Variants in SPAG16 observed in about 807,000 individuals in gnomAD.
SPAG16 encodes the protein sperm-associated antigen 16 protein.
A neutral mutation model predicts 80.4 loss-of-function variants in SPAG16; 86 were observed. That is an observed-to-expected ratio of 1.07 (90% CI 0.90 to 1.28). The LOEUF is 1.28. Among genes scored for constraint, SPAG16 ranks in the 50% most tolerant of loss-of-function variants. SPAG16 has a pLI of 0.00. For synonymous variants in SPAG16, 294 were observed against 265.9 expected (o/e 1.11, Z -1.03); for missense variants, 870 against 765.3 (o/e 1.14, Z -1.61).
At chr2:214,144,580 ACATTCT>A (rs1213784432) in intron 14 of SPAG16, among the ~76,000 whole-genome samples, 13 of 152,156 alleles carry the variant, frequency 8.5e-5, no homozygotes, top group African/African-American at 3.1e-4. Context: ...AGTGTTTACA[ACATTCT>A]CATGTATACA....
chr2:213,627,403 T>C (rs774590213), intron 10 of SPAG16, among the ~76,000 whole-genome samples: 17 of 152,252 alleles, frequency 1.1e-4, no homozygotes, highest in Non-Finnish European at 2.2e-4. Flanking sequence ...ACATACTTTC[T>C]TCTTGGCTAT....
intron 10 of SPAG16, among the ~76,000 whole-genome samples, chr2:213,519,440 G>C (rs2075575168): frequency 6.6e-6 from 1 of 152,144 alleles, no homozygotes; most frequent in South Asian, 2.1e-4. Context: ...TAATGAATAA[G>C]TCTCATGAGA....
intron 15 of SPAG16, among the ~76,000 whole-genome samples, chr2:214,245,691 C>A (rs912853692): frequency 9.9e-5 from 15 of 152,038 alleles, no homozygotes; most frequent in Non-Finnish European, 1.6e-4. Flanking sequence ...AGTGTCTGAC[C>A]ATCTGCTGGT....
At chr2:213,452,765 C>T (rs963886907) in intron 9 of SPAG16, among the ~76,000 whole-genome samples, 2 of 152,210 alleles carry the variant, frequency 1.3e-5, no homozygotes, top group Non-Finnish European at 2.9e-5. Context: ...TGAAATGCAT[C>T]ATGGCCTCTC....
chr2:213,698,943 T>C (rs145115357), intron 10 of SPAG16, among the ~76,000 whole-genome samples: 11 of 152,362 alleles, frequency 7.2e-5, no homozygotes, highest in South Asian at 2.1e-4. Flanking sequence ...GTACAACGCA[T>C]AGTACCTGGC....
At chr2:213,481,631 A>C (rs762086234) in intron 9 of SPAG16, among the ~76,000 whole-genome samples, 1 of 152,220 alleles carries the variant, frequency 6.6e-6, no homozygotes, top group Non-Finnish European at 1.5e-5. Flanking sequence ...TTATGGGGGC[A>C]ACCAGTATGG....
chr2:214,094,832 G>T (rs1175620013), intron 13 of SPAG16, among the ~76,000 whole-genome samples: 2 of 152,034 alleles, frequency 1.3e-5, no homozygotes, highest in Non-Finnish European at 2.9e-5. Context: ...CAGGTCTACA[G>T]ATAGAGAGGA....
chr2:213,769,757 C>T (rs968599727), intron 10 of SPAG16, among the ~76,000 whole-genome samples: 7 of 152,132 alleles, frequency 4.6e-5, no homozygotes, highest in Non-Finnish European at 1.0e-4. Context: ...ATACACAATA[C>T]AACAAAATGC....
intron 10 of SPAG16, among the ~76,000 whole-genome samples, chr2:213,788,206 A>G (rs2070460683): frequency 6.6e-6 from 1 of 151,994 alleles, no homozygotes; most frequent in South Asian, 2.1e-4. Flanking sequence ...CATAGCAACT[A>G]AAAATTAAGA....
intron 11 of SPAG16, among the ~76,000 whole-genome samples, chr2:213,911,603 T>A (rs906839325): frequency 2.0e-5 from 3 of 152,192 alleles, no homozygotes. Flanking sequence ...ATTTTGGTTG[T>A]CCCAAACTTG....
intron 10 of SPAG16, among the ~76,000 whole-genome samples, chr2:213,632,639 A>G (rs772854390): frequency 6.5e-4 from 99 of 152,186 alleles, no homozygotes; most frequent in South Asian, 1.2e-3. Flanking sequence ...GTTGAGGTAT[A>G]TTCCTTCTAT....
chr2:213,666,490 A>T (rs781045232), intron 10 of SPAG16, among the ~76,000 whole-genome samples: 3 of 152,192 alleles, frequency 2.0e-5, no homozygotes, highest in Non-Finnish European at 2.9e-5. Context: ...TGCATGTATC[A>T]TGTTGAAAAG....
chr2:213,832,459 G>A (rs995982853), intron 10 of SPAG16, among the ~76,000 whole-genome samples: 1 of 152,032 alleles, frequency 6.6e-6, no homozygotes, highest in Non-Finnish European at 1.5e-5. Context: ...TGAAGCAAGT[G>A]ACAAAAACCT....
At chr2:213,841,328 G>C (rs1022896955) in intron 10 of SPAG16, among the ~76,000 whole-genome samples, 5 of 152,156 alleles carry the variant, frequency 3.3e-5, no homozygotes, top group African/African-American at 9.7e-5. Flanking sequence ...AGGGTAGTTT[G>C]TACATGGTAG....
At chr2:214,224,812 T>TAGAAACAGAGTATGCAGCCA (rs2058663059) in intron 15 of SPAG16, among the ~76,000 whole-genome samples, 2 of 152,180 alleles carry the variant, frequency 1.3e-5, no homozygotes, top group Non-Finnish European at 2.9e-5. Context: ...GGCAACTTTC[T>TAGAAACAGAGTATGCAGCCA]AGAAACAGAG....
chr2:213,896,594 A>G (rs62191882), intron 11 of SPAG16, among the ~76,000 whole-genome samples: 2 of 100,474 alleles, frequency 2.0e-5, no homozygotes, highest in African/African-American at 2.9e-5. Flanking sequence ...ACACACACGC[A>G]CACACACACA....
intron 11 of SPAG16, among the ~76,000 whole-genome samples, chr2:213,902,699 A>G (rs2077268249): frequency 6.6e-6 from 1 of 152,088 alleles, no homozygotes; most frequent in Admixed American, 6.6e-5. Context: ...TTCAAAACCA[A>G]TCATGCCTTC....
intron 11 of SPAG16, among the ~76,000 whole-genome samples, chr2:213,885,405 G>A (rs1260625543): frequency 6.6e-6 from 1 of 152,078 alleles, no homozygotes; most frequent in East Asian, 1.9e-4. Context: ...GTCCATTCTT[G>A]GGCCTTTGAG....
intron 15 of SPAG16, among the ~76,000 whole-genome samples, chr2:214,303,300 T>G (rs1264401563): frequency 6.6e-6 from 1 of 152,236 alleles, no homozygotes; most frequent in Non-Finnish European, 1.5e-5. Flanking sequence ...TTTGAGCTTT[T>G]CTTGCAGGGC....
Sources: gnomAD v4.1 joint callset for allele counts (sites outside exome capture counted in the v4.1 genomes callset) on GRCh38, gnomAD v4.1.1 for gene constraint, MANE v1.5 for transcripts, NCBI Gene and HGNC (gene_info 2026-07-23, HGNC 2026-07-21) for gene names.